The following RCOR1 variants were observed in gnomAD, a reference collection of about 807,000 sequenced individuals.
RCOR1 encodes REST corepressor 1.
RCOR1 carries 12 observed loss-of-function variants against 64.0 expected under a neutral mutation model. The observed-to-expected ratio is 0.19, with a 90% CI of 0.12 to 0.30. The LOEUF (loss-of-function observed/expected upper bound fraction) is 0.30, where lower values mean the gene tolerates loss of function less well. Ranked by LOEUF, RCOR1 falls within the 10% of genes least tolerant of loss-of-function variation. The pLI is 1.00. For synonymous variants in RCOR1, 279 were observed against 227.2 expected (o/e 1.23, Z -2.05); for missense variants, 502 against 621.2 (o/e 0.81, Z 2.04).
intron 2 of RCOR1, among the ~76,000 whole-genome samples, chr14:102,670,556 CTTG>C (rs1016803082): frequency 2.0e-5 from 3 of 151,748 alleles, no homozygotes; most frequent in Admixed American, 1.3e-4. Flanking sequence ...CTTCAGTTTT[CTTG>C]TTCTGAATTT....
intron 2 of RCOR1, among the ~76,000 whole-genome samples, chr14:102,676,368 G>A (rs1895155025): frequency 1.4e-5 from 2 of 144,806 alleles, no homozygotes; most frequent in African/African-American, 5.3e-5. Context: ...TCCCGGACGG[G>A]GCGGCTGGCC....
chr14:102,608,565 G>A (rs1471414161), intron 2 of RCOR1, among the ~76,000 whole-genome samples: 3 of 151,982 alleles, frequency 2.0e-5, no homozygotes, highest in Non-Finnish European at 4.4e-5. Flanking sequence ...CTCCCAAGTA[G>A]CTGGGATTAT....
At position 102,683,051 on chromosome 14, in the gene RCOR1, G is replaced by T. The variant is rs1895337581; in HGVS notation, c.445+1073G>T. Among the ~76,000 whole-genome samples the T allele has an allele frequency of 2.0e-5, 3 of 152,142 alleles. No homozygotes were observed. In the South Asian group the frequency reaches 6.2e-4, roughly 32 times the overall value. ...TTGCTTATTGGAGTCTTTGGAGTCA[G>T]AATTTAATTTTAATGTTATCTTATT... On this transcript the variant is annotated intron_variant, in intron 3 of 11. Transcript: ENST00000262241.
At chr14:102,708,096 G>T (rs987567371) in intron 5 of RCOR1, among the ~76,000 whole-genome samples, 7 of 151,896 alleles carry the variant, frequency 4.6e-5, no homozygotes, top group Non-Finnish European at 8.8e-5. Context: ...CTCCCGAGTA[G>T]CTGGGACTAT....
chr14:102,669,225 C>T (rs936479317), intron 2 of RCOR1, among the ~76,000 whole-genome samples: 2 of 151,244 alleles, frequency 1.3e-5, no homozygotes, highest in African/African-American at 4.9e-5. Flanking sequence ...AGGAGAATCG[C>T]TTGAACCCAG....
intron 6 of RCOR1, among the ~76,000 whole-genome samples, chr14:102,709,852 G>C (rs1380707199): frequency 6.6e-6 from 1 of 152,142 alleles, no homozygotes; most frequent in Admixed American, 6.5e-5. Context: ...GAGTGGGATT[G>C]GATATCCTTG....
chr14:102,643,853 G>A (rs1894423420), intron 2 of RCOR1, among the ~76,000 whole-genome samples: 1 of 152,168 alleles, frequency 6.6e-6, no homozygotes, highest in Non-Finnish European at 1.5e-5. Flanking sequence ...ATTCTTAATA[G>A]CCTGGCTTAT....
intron 2 of RCOR1, among the ~76,000 whole-genome samples, chr14:102,634,601 C>CAT (rs35215502): frequency 0.59 from 89,487 of 150,700 alleles, 27,380 homozygotes; most frequent in South Asian, 0.69. Flanking sequence ...GTTTATATTA[C>CAT]GTGTGTGTGT....
intron 2 of RCOR1, among the ~76,000 whole-genome samples, chr14:102,594,632 G>GT (rs1191431464): frequency 1.3e-5 from 2 of 148,618 alleles, no homozygotes; most frequent in East Asian, 3.9e-4. Flanking sequence ...CCATGTTAGT[G>GT]TTTTTGATAG....
At position 102,682,050 on chromosome 14, in the gene RCOR1, A is replaced by G. The variant is rs563937283; in HGVS notation, c.445+72A>G. The G allele has an allele frequency of 4.3e-6, 4 of 929,660 alleles. No homozygotes were observed. The Admixed American group carries it at 8.2e-5, about 19-fold the overall frequency. The allele number at this position is 929,660 out of a possible 1,614,324, so 57.6% of individuals were successfully genotyped here. ...GGTTTTAAAGGTACCTTTGAAGGTA[A>G]AAGCTTCTATATGTATTAAATTTCT... On this transcript the variant is annotated intron_variant, in intron 3 of 11. Coordinates refer to ENST00000262241, the MANE Select transcript of RCOR1 (RefSeq NM_015156.4).
intron 5 of RCOR1, 51 bp from the exon 6 acceptor site, chr14:102,708,414 T>C (rs200462137): frequency 5.4e-6 from 6 of 1,119,090 alleles, no homozygotes; most frequent in Non-Finnish European, 8.2e-6. Flanking sequence ...ACATTTGATT[T>C]TTAAAGATTA....
At position 102,714,425 on chromosome 14, in the gene RCOR1, TC is replaced by T; in HGVS notation, c.866del (p.Pro289LeufsTer50). The T allele has an allele frequency of 6.3e-7, 1 of 1,597,178 alleles. No homozygotes were observed. The highest frequency in any genetic ancestry group is 1.1e-5 in the South Asian group (1 of 89,522). On this transcript the variant is annotated frameshift_variant, in exon 8 of 12. Coordinates refer to ENST00000262241, the MANE Select transcript of RCOR1 (RefSeq NM_015156.4). LOFTEE classifies it high-confidence loss of function. Reference sequence around the variant, plus strand: ...CATCACCTGTGTATATCATGCAGGTTCCCCCTACTGAGACAGTTCCTCAGGT... The same window carrying T: ...CATCACCTGTGTATATCATGCAGGTTCCCCTACTGAGACAGTTCCTCAGGT... ...DQNKESKKEVPPTETVPQVKK... is the reference protein window; with the variant it reads ...DQNKESKKEVXPTETVPQVKK...
intron 2 of RCOR1, among the ~76,000 whole-genome samples, chr14:102,656,586 GC>G (rs1894728706): frequency 1.3e-5 from 2 of 151,804 alleles, no homozygotes; most frequent in Admixed American, 1.3e-4. Flanking sequence ...TCCTGTTCCA[GC>G]CTCCTAGGTA....
intron 2 of RCOR1, among the ~76,000 whole-genome samples, chr14:102,612,614 G>T (rs116652497): frequency 3.9e-5 from 6 of 152,052 alleles, no homozygotes; most frequent in Admixed American, 2.0e-4. Flanking sequence ...GGGATTTCAG[G>T]AGTAAGCCAC....
At chr14:102,639,156 T>G (rs2139918845) in intron 2 of RCOR1, among the ~76,000 whole-genome samples, 1 of 152,258 alleles carries the variant, frequency 6.6e-6, no homozygotes, top group South Asian at 2.1e-4. Flanking sequence ...ATTTGGATGG[T>G]TTTCTTTTGT....
At chr14:102,653,515 A>G (rs965145848) in intron 2 of RCOR1, among the ~76,000 whole-genome samples, 1 of 152,152 alleles carries the variant, frequency 6.6e-6, no homozygotes, top group Non-Finnish European at 1.5e-5. Context: ...GTAGTTCCTA[A>G]AAGGCTTGTG....
intron 2 of RCOR1, among the ~76,000 whole-genome samples, chr14:102,607,173 TC>T (rs2139885851): frequency 1.3e-5 from 2 of 152,262 alleles, no homozygotes; most frequent in East Asian, 3.9e-4. Context: ...CCTTAGGTGA[TC>T]CGTCTGCCTT....
intron 2 of RCOR1, among the ~76,000 whole-genome samples, chr14:102,600,568 ATTT>A (rs750778582): frequency 3.9e-5 from 5 of 126,998 alleles, no homozygotes; most frequent in Admixed American, 8.1e-5. Flanking sequence ...TGCCCAGCTA[ATTT>A]TTTTTTTTTT....
intron 2 of RCOR1, chr14:102,662,300 G>A (rs765394771): frequency 3.1e-5 from 17 of 550,970 alleles, no homozygotes; most frequent in Non-Finnish European, 4.3e-5. Flanking sequence ...CTAGTTGAAC[G>A]TATGCCTCCT....
Sources: gnomAD v4.1 joint callset for allele counts (sites outside exome capture counted in the v4.1 genomes callset) on GRCh38, gnomAD v4.1.1 for gene constraint, MANE v1.5 for transcripts, NCBI Gene and HGNC (gene_info 2026-07-23, HGNC 2026-07-21) for gene names.